Variants in RNASEH1 observed in about 807,000 individuals in gnomAD.
RNASEH1 encodes ribonuclease H type II.
In RNASEH1, 27 loss-of-function variants were observed where a neutral mutation model predicts 34.6. The ratio of observed to expected loss-of-function variants is 0.78; its 90% CI spans 0.58 to 1.08. RNASEH1 has a LOEUF of 1.08. RNASEH1 is among the 50% of genes least tolerant of loss of function. RNASEH1 has a pLI of 0.00. For missense variants in RNASEH1, 349 were observed against 373.6 expected (o/e 0.93, Z 0.54); for synonymous variants, 162 against 138.4 (o/e 1.17, Z -1.20).
chr2:3,556,308 GT>G (rs1183563934), intron 2 of RNASEH1, among the ~76,000 whole-genome samples: 1,625 of 138,330 alleles, frequency 0.012, 7 homozygotes, highest in Middle Eastern at 0.038. Context: ...AACTATGTAA[GT>G]TTTTTTTTTT....
chr2:3,549,757 T>C lies in RNASEH1; in HGVS notation c.509+616A>G, dbSNP rs551293852. 3.0e-3 allele frequency among the ~76,000 whole-genome samples: 456 copies of C among 151,894 alleles called. 2 individuals are homozygous for C. The highest frequency in any genetic ancestry group is 0.011 in the African/African-American group (441 of 41,422). ...GTCAGAAGATCGAGACCATCCTGGC[T>C]AACACGGTGAAACCCCGTCTCTACT... On this transcript the variant is annotated intron_variant, in intron 4 of 7. Transcript: ENST00000315212.
the RNASEH1 span, chr2:3,531,945 C>CA: frequency 6.4e-6 from 2 of 310,184 alleles, no homozygotes; most frequent in African/African-American, 4.3e-5. Flanking sequence ...ATACCAGGTT[C>CA]ATGTACCTGC....
At position 3,558,319 on chromosome 2, in the gene RNASEH1, C is replaced by A. The variant is rs921263504; in HGVS notation, c.-59G>T. 6.8e-7 allele frequency: 1 copy of A among 1,468,004 alleles called. No individual in the cohort carries two copies. Among genetic ancestry groups the A allele is most frequent in the Admixed American group, 2.6e-5 (1 of 38,932 alleles). The allele number at this position is 1,468,004 out of a possible 1,614,324, so 90.9% of individuals were successfully genotyped here. ...CCCGGCCCAGCGTGGGCGCGAGCCGCCGGCGCTCAACACCGCACTTCCGTC... is the reference window on the plus strand; with the variant it reads ...CCCGGCCCAGCGTGGGCGCGAGCCGACGGCGCTCAACACCGCACTTCCGTC... On this transcript the variant is annotated 5_prime_UTR_variant, in exon 1 of 8. Coordinates refer to ENST00000315212, the MANE Select transcript of RNASEH1 (RefSeq NM_002936.6).
In RNASEH1 at chr2:3,548,722, T is replaced by A; in HGVS notation, c.567A>T (p.Ala189=). 2 of 1,612,000 alleles carry A rather than the reference T, an allele frequency of 1.2e-6. No homozygotes were observed. Among genetic ancestry groups the A allele is most frequent in the Non-Finnish European group, 8.5e-7 (1 of 1,178,204 alleles). The change falls in exon 6 of 8, where the codon GCA becomes GCT. Residue 189 remains alanine, a splice_region_variant and synonymous_variant. Coordinates refer to ENST00000315212, the MANE Select transcript of RNASEH1 (RefSeq NM_002936.6). ...RQTNQRAEIH[A]ACKAIEQAKT... ...TTGCTTGTTCAATGGCTTTGCAGGC[T>A]GCCTTGAAAAGACAAGTCGATAGTC...
rs1022565285 is a variant in RNASEH1, at chr2:3,556,794, G to A, written c.239C>T (p.Ser80Leu). The change falls in exon 2 of 8, where the codon TCA (serine) becomes TTA (leucine). Residue 80 changes from serine (S) to leucine (L), a missense_variant. Coordinates refer to ENST00000315212, the MANE Select transcript of RNASEH1 (RefSeq NM_002936.6). Reference protein sequence around the residue: ...FVRKSASPEVSEGHENQHGQE... With the variant: ...FVRKSASPEVLEGHENQHGQE... ...CTGATATGAGAGGTGACTACCTTCTGAAACTTCCGGGCTTGCAGATTTCCT... is the reference window on the plus strand; with the variant it reads ...CTGATATGAGAGGTGACTACCTTCTAAAACTTCCGGGCTTGCAGATTTCCT... 1 of 1,611,072 alleles carries A rather than the reference G, an allele frequency of 6.2e-7. No homozygotes were observed. The highest frequency in any genetic ancestry group is 8.5e-7 in the Non-Finnish European group (1 of 1,177,306).
At chr2:3,553,534 C>A (rs557256870) in intron 2 of RNASEH1, among the ~76,000 whole-genome samples, 1 of 151,662 alleles carries the variant, frequency 6.6e-6, no homozygotes, top group East Asian at 2.0e-4. Flanking sequence ...GGATTACAGG[C>A]ACCCACCACC....
rs1230715149 is a variant in RNASEH1 at position 3,556,752 on chromosome 2, T to C, written c.244+37A>G. ...CATCTGGCATATGAAAGCCTTTGAA[T>C]AGGTTAAAATGTCACACTGATATGA... On this transcript the variant is annotated intron_variant, in intron 2 of 7. Coordinates refer to ENST00000315212, the MANE Select transcript of RNASEH1 (RefSeq NM_002936.6). The C allele has an allele frequency of 4.3e-6, 6 of 1,407,044 alleles. No homozygotes were observed. In the South Asian group the frequency reaches 4.6e-5, roughly 11 times the overall value. The allele number at this position is 1,407,044 out of a possible 1,614,324, so 87.2% of individuals were successfully genotyped here. A position where few individuals can be genotyped will look rare whatever the true frequency, so the allele number is the denominator to read the frequency against.
the RNASEH1 span, among the ~76,000 whole-genome samples, chr2:3,536,289 A>T: frequency 6.6e-6 from 1 of 152,210 alleles, no homozygotes; most frequent in East Asian, 1.9e-4. Context: ...GAGTCAGAGG[A>T]GCTGACTCGG....
chr2:3,549,068 G>A lies in RNASEH1; in HGVS notation c.554C>T (p.Ala185Val), dbSNP rs1057517675. The change falls in exon 5 of 8, where the codon GCG becomes GTG. Residue 185 changes from alanine to valine, a missense_variant. Around this residue, in one of 2 missense-constraint regions of RNASEH1, gnomAD observed 93 missense variants for 132.9 expected, o/e 0.70. Coordinates refer to ENST00000315212, the MANE Select transcript of RNASEH1 (RefSeq NM_002936.6). ...TATCTGATAACTTACATGAATTTCC[G>A]CTCTTTGGTTTGTCTGCCGCCCAGG... is the stretch of plus-strand genomic sequence containing the variant. ...RLPGRQTNQR[A>V]EIHAACKAIE... 5 of 1,612,986 alleles carry A rather than the reference G, an allele frequency of 3.1e-6. No homozygotes were observed. Among genetic ancestry groups the A allele is most frequent in the East Asian group, 2.2e-5 (1 of 44,864 alleles).
Position 3,549,108 on chromosome 2 carries a change from C to A in RNASEH1, c.514G>T (p.Val172Leu). 1.2e-6 allele frequency: 2 copies of A among 1,612,526 alleles called. No homozygotes were observed. Among genetic ancestry groups the A allele is most frequent in the South Asian group, 2.2e-5 (2 of 90,988 alleles). ...VYWGPGHPLNVGIRLPGRQTN... is the reference protein window; with the variant it reads ...VYWGPGHPLNLGIRLPGRQTN... ...TGCCGCCCAGGAAGTCTAATGCCTA[C>A]ATTTCTGTTTCAAAACAGTACAAAA... Residue 172 changes from valine (V) to leucine (L), a missense_variant, in exon 5 of 8, where the codon GTA (valine) becomes TTA (leucine). Coordinates refer to ENST00000315212, the MANE Select transcript of RNASEH1 (RefSeq NM_002936.6).
intron 2 of RNASEH1, among the ~76,000 whole-genome samples, chr2:3,553,794 G>A (rs1660224919): frequency 1.3e-5 from 2 of 152,146 alleles, no homozygotes; most frequent in East Asian, 3.8e-4. Context: ...AATTAGACCA[G>A]GACTCAAAAA....
In RNASEH1 at chr2:3,556,825, A is replaced by C; in HGVS notation, c.208T>G (p.Phe70Val). ...TCCGGGCTTGCAGATTTCCTGACAA[A>C]GGCCCAGGCCTCATCCTCTGTGGCA... The part of the protein sequence containing the change: ...KFATEDEAWA[F>V]VRKSASPEVS... The change falls in exon 2 of 8, where the codon TTT becomes GTT. Residue 70 changes from phenylalanine to valine, a missense_variant. Phe to Val is a conservative substitution (Grantham distance 50, BLOSUM62 -1). Around this residue, in one of 2 missense-constraint regions of RNASEH1, gnomAD observed 256 missense variants for 240.7 expected, o/e 1.06. Transcript: ENST00000315212. The C allele has an allele frequency of 6.2e-7, 1 of 1,614,020 alleles. No individual in the cohort carries two copies. Among genetic ancestry groups the C allele is most frequent in the Non-Finnish European group, 8.5e-7 (1 of 1,179,858 alleles).
At chr2:3,556,990 T>C (rs552716872) in intron 1 of RNASEH1, 86 bp from the exon 2 acceptor site, 3 of 1,015,480 alleles carry the variant, frequency 3.0e-6, no homozygotes, top group African/African-American at 3.2e-5. Context: ...GGAAATACAG[T>C]TGTCCCTTGG....
intron 2 of RNASEH1, 76 bp downstream of exon 2, chr2:3,556,713 T>C (rs1660537739): frequency 2.1e-6 from 2 of 937,444 alleles, no homozygotes; most frequent in Non-Finnish European, 3.5e-6. Context: ...AGGGTAGCTA[T>C]ATAGATCAAA....
At chr2:3,557,831 T>C (rs1222778360) in intron 1 of RNASEH1, 1 of 1,359,536 alleles carries the variant, frequency 7.4e-7, no homozygotes, top group Non-Finnish European at 9.9e-7. Context: ...TGTCACTTTT[T>C]GTTGCACTTT....
intron 2 of RNASEH1, among the ~76,000 whole-genome samples, chr2:3,555,140 C>CCT (rs1660357673): frequency 6.6e-6 from 1 of 152,216 alleles, no homozygotes; most frequent in South Asian, 2.1e-4. Context: ...CCCCTTGGAC[C>CCT]CTCGCTGCCA....
At chr2:3,548,356 G>C (rs1243341097) in intron 6 of RNASEH1, among the ~76,000 whole-genome samples, 1 of 152,196 alleles carries the variant, frequency 6.6e-6, no homozygotes, top group African/African-American at 2.4e-5. Context: ...ATTTCCCAAA[G>C]AAGCAGTCAA....
Position 3,544,775 on chromosome 2 carries a change from C to T in RNASEH1, c.*1010G>A, listed in dbSNP as rs971210441. On this transcript the variant is annotated 3_prime_UTR_variant, in exon 8 of 8. Transcript: ENST00000315212. ...AATAAATAATCATGTCAAACTTTTA[C>T]TACTTTTTTTTTTTTTTGAGACAGA... 38 of 151,154 alleles carry T rather than the reference C, an allele frequency of 2.5e-4. No homozygotes were observed. Among genetic ancestry groups the T allele is most frequent in the African/African-American group, 9.0e-4 (37 of 41,096 alleles). The allele number at this position is 151,154 out of a possible 1,614,324, so 9.4% of individuals were successfully genotyped here. A position where few individuals can be genotyped will look rare whatever the true frequency, so the allele number is the denominator to read the frequency against.
Position 3,551,079 on chromosome 2 carries a change from G to C in RNASEH1, c.410-607C>G, listed in dbSNP as rs1381082793. Among the ~76,000 whole-genome samples, 6 of 152,268 alleles carry C rather than the reference G, an allele frequency of 3.9e-5. No individual in the cohort carries two copies. In the East Asian group the frequency reaches 9.6e-4, roughly 24 times the overall value. On this transcript the variant is annotated intron_variant, in intron 3 of 7. Coordinates refer to ENST00000315212, the MANE Select transcript of RNASEH1 (RefSeq NM_002936.6). ...CCAGGACACTTCAGTAGTGTGGTGG[G>C]ATCAGAGGTCAGGTTGCACAGTGTT...
Sources: allele counts gnomAD v4.1 joint callset (sites outside exome capture counted in the v4.1 genomes callset), GRCh38; gene constraint gnomAD v4.1.1; regional missense constraint gnomAD v4.1.1; transcripts MANE v1.5; gene names NCBI Gene and HGNC (gene_info 2026-07-23, HGNC 2026-07-21).